Variants in TNFSF13B observed in about 807,000 individuals in gnomAD.
TNFSF13B encodes TNF superfamily member 13b, also known as tumor necrosis factor ligand superfamily member 13B.
A neutral mutation model predicts 29.1 loss-of-function variants in TNFSF13B; 8 were observed. That is an observed-to-expected ratio of 0.27 (90% CI 0.16 to 0.50). The LOEUF is 0.50. Ranked by LOEUF, TNFSF13B falls within the 20% of genes least tolerant of loss-of-function variation. The probability of loss-of-function intolerance (pLI) is 0.98; values close to 1 mark genes in which losing one functional copy is unlikely to be tolerated. For synonymous variants in TNFSF13B, 125 were observed against 130.8 expected (o/e 0.96, Z 0.30); for missense variants, 248 against 334.9 (o/e 0.74, Z 2.03).
chr13:108,303,116 C>A (rs1224145), intron 3 of TNFSF13B, 137 bp from the exon 4 acceptor site: 23 of 704,528 alleles, frequency 3.3e-5, no homozygotes, highest in South Asian at 2.9e-4. Flanking sequence ...TTCCTTTTTC[C>A]TTTTTTTTCT....
At chr13:108,302,950 C>G (rs1881667234) in intron 3 of TNFSF13B, 1 of 727,430 alleles carries the variant, frequency 1.4e-6, no homozygotes, top group Non-Finnish European at 1.7e-6. Flanking sequence ...TTATCCAGAT[C>G]AGCCTTTATT....
chr13:108,293,203 G>C (rs1163295487), intron 3 of TNFSF13B, among the ~76,000 whole-genome samples: 2 of 151,928 alleles, frequency 1.3e-5, no homozygotes, highest in African/African-American at 4.8e-5. Flanking sequence ...GAACGGTCTT[G>C]GCACACTTGT....
chr13:108,272,498 A>T (rs1370830471), intron 2 of TNFSF13B, among the ~76,000 whole-genome samples: 1 of 152,016 alleles, frequency 6.6e-6, no homozygotes, highest in Non-Finnish European at 1.5e-5. Flanking sequence ...GTTTTAACTC[A>T]TTAGTCCTTC....
chr13:108,300,664 A>G (rs141348205), intron 3 of TNFSF13B, among the ~76,000 whole-genome samples: 72 of 152,340 alleles, frequency 4.7e-4, no homozygotes, highest in African/African-American at 1.7e-3. Flanking sequence ...GTAATTTGTC[A>G]TTGAGGTGAT....
At position 108,270,365 on chromosome 13, in the gene TNFSF13B, A is replaced by T; in HGVS notation, c.365A>T (p.Glu122Val). 6.2e-7 allele frequency: 1 copy of T among 1,614,164 alleles called. No homozygotes were observed. Among genetic ancestry groups the T allele is most frequent in the Non-Finnish European group, 8.5e-7 (1 of 1,180,004 alleles). The change falls in exon 2 of 6, where the codon GAA (glutamate) becomes GTA (valine). Residue 122 changes from glutamate to valine, a missense_variant. Around this residue, in one of 2 missense-constraint regions of TNFSF13B, gnomAD observed 186 missense variants for 196.3 expected, o/e 0.95. Transcript: ENST00000375887. ...LKIFEPPAPG[E>V]GNSSQNSRNK... ...ATCTTTGAACCACCAGCTCCAGGAG[A>T]AGGCAACTCCAGTCAGAACAGCAGA...
intron 3 of TNFSF13B, among the ~76,000 whole-genome samples, chr13:108,289,633 T>TA (rs1881249431): frequency 1.4e-5 from 2 of 147,934 alleles, no homozygotes; most frequent in East Asian, 1.9e-4. Context: ...GGGGAAAGAA[T>TA]TTATATATAT....
rs1881518742 is a variant in TNFSF13B, at chr13:108,298,586, C to T, written c.482-4667C>T. Reference sequence around the variant, plus strand: ...TTAGTTCTCCCATTTTGTTCTTATCCTTTAATATTATGTTGGCATTTCTGT... The same window carrying T: ...TTAGTTCTCCCATTTTGTTCTTATCTTTTAATATTATGTTGGCATTTCTGT... On this transcript the variant is annotated intron_variant, in intron 3 of 5. Transcript: ENST00000375887. 1.4e-5 allele frequency among the ~76,000 whole-genome samples: 2 copies of T among 145,086 alleles called. 1 individual carries two copies. The highest frequency in any genetic ancestry group is 3.1e-5 in the Non-Finnish European group (2 of 65,410).
intron 3 of TNFSF13B, among the ~76,000 whole-genome samples, chr13:108,293,554 A>C (rs1881384495): frequency 6.6e-6 from 1 of 152,178 alleles, no homozygotes; most frequent in South Asian, 2.1e-4. Context: ...TCAATCCATG[A>C]ACACAAGATA....
intron 2 of TNFSF13B, among the ~76,000 whole-genome samples, chr13:108,275,507 T>C (rs144804300): frequency 1.0e-3 from 156 of 152,198 alleles, no homozygotes; most frequent in African/African-American, 3.5e-3. Flanking sequence ...ATTGTCTCAA[T>C]TTTAATAATA....
rs1004553614 is a variant in TNFSF13B at position 108,307,339 on chromosome 13, A to C, written c.*401A>C. ...GAGCAAGTGCCCACATCTCTAGGAC[A>C]TTAAGACATTTATGAGAAATCTCAG... On this transcript the variant is annotated 3_prime_UTR_variant, in exon 6 of 6. Coordinates refer to ENST00000375887, the MANE Select transcript of TNFSF13B (RefSeq NM_006573.5). The C allele has an allele frequency of 6.5e-6, 1 of 154,228 alleles. No homozygotes were observed. Among genetic ancestry groups the C allele is most frequent in the Non-Finnish European group, 1.4e-5 (1 of 69,512 alleles). 9.6% of individuals were successfully genotyped at this position (154,228 alleles called of 1,614,324 possible).
intron 2 of TNFSF13B, among the ~76,000 whole-genome samples, chr13:108,274,873 G>A (rs1880722775): frequency 6.6e-6 from 1 of 152,130 alleles, no homozygotes; most frequent in Non-Finnish European, 1.5e-5. Context: ...GTAGAAGAAG[G>A]GAGGGGAATT....
chr13:108,276,122 G>A (rs192273417), intron 2 of TNFSF13B, among the ~76,000 whole-genome samples: 2 of 152,308 alleles, frequency 1.3e-5, no homozygotes, highest in African/African-American at 2.4e-5. Flanking sequence ...TGGCTTAGCT[G>A]TGAGTTCCAG....
At chr13:108,302,420 A>G (rs923199134) in intron 3 of TNFSF13B, among the ~76,000 whole-genome samples, 5 of 152,156 alleles carry the variant, frequency 3.3e-5, no homozygotes, top group African/African-American at 9.7e-5. Context: ...TTTATTCAAC[A>G]CACCCATGAG....
chr13:108,280,713 A>G (rs1425020457), intron 2 of TNFSF13B, among the ~76,000 whole-genome samples: 1 of 150,346 alleles, frequency 6.7e-6, no homozygotes, highest in East Asian at 2.0e-4. Flanking sequence ...AGTCATGATA[A>G]TGCTTTTTTT....
At chr13:108,278,675 C>CTCCTCCTT (rs1280920417) in intron 2 of TNFSF13B, among the ~76,000 whole-genome samples, 1 of 10,788 alleles carries the variant, frequency 9.3e-5, no homozygotes, top group African/African-American at 3.1e-4. Context: ...CTCTCCTCCT[C>CTCCTCCTT]TCCTCCTTTC....
chr13:108,289,046 AC>A (rs1263989306), intron 3 of TNFSF13B, among the ~76,000 whole-genome samples: 1 of 152,042 alleles, frequency 6.6e-6, no homozygotes, highest in African/African-American at 2.4e-5. Flanking sequence ...CATGTTTGCA[AC>A]TTTTAATAAG....
chr13:108,300,039 A>G (rs1158619605), intron 3 of TNFSF13B, among the ~76,000 whole-genome samples: 1 of 152,190 alleles, frequency 6.6e-6, no homozygotes, highest in Non-Finnish European at 1.5e-5. Context: ...AATCTAAATT[A>G]TTATAAAATT....
At chr13:108,278,295 TCA>T (rs541452653) in intron 2 of TNFSF13B, among the ~76,000 whole-genome samples, 1 of 152,108 alleles carries the variant, frequency 6.6e-6, no homozygotes, top group Admixed American at 6.5e-5. Context: ...GTGGTAGAGA[TCA>T]CAGACTGCGA....
At chr13:108,285,629 A>T (rs1881105855) in intron 2 of TNFSF13B, among the ~76,000 whole-genome samples, 1 of 152,208 alleles carries the variant, frequency 6.6e-6, no homozygotes. Context: ...TCAGATATGC[A>T]GTTTCTCATT....
Sources: gnomAD v4.1 joint callset for allele counts (sites outside exome capture counted in the v4.1 genomes callset) on GRCh38, gnomAD v4.1.1 for gene constraint, gnomAD v4.1.1 regional missense constraint, MANE v1.5 for transcripts, NCBI Gene and HGNC (gene_info 2026-07-23, HGNC 2026-07-21) for gene names.